The following ZSCAN18 variants were observed in gnomAD, a reference collection of about 807,000 sequenced individuals.
The protein encoded by ZSCAN18 is zinc finger and SCAN domain containing 18.
A neutral mutation model predicts 31.1 loss-of-function variants in ZSCAN18; 16 were observed. The observed-to-expected ratio is 0.51, with a 90% CI of 0.35 to 0.78. The LOEUF is 0.78. ZSCAN18 is among the 30% of genes least tolerant of loss of function. The probability of loss-of-function intolerance (pLI) is 0.01; values close to 1 mark genes in which losing one functional copy is unlikely to be tolerated. For missense variants in ZSCAN18, 731 were observed against 697.4 expected (o/e 1.05, Z -0.54); for synonymous variants, 375 against 320.7 (o/e 1.17, Z -1.81).
chr19:58,096,151 G>A lies in ZSCAN18; in HGVS notation c.-120+2023C>T, dbSNP rs139017264. Reference sequence around the variant, plus strand: ...GGAGTCTTAAGCAGGAGGACTGCTTGAGCCCAGGAGTTGGAGGCTGTGATT... The same window carrying A: ...GGAGTCTTAAGCAGGAGGACTGCTTAAGCCCAGGAGTTGGAGGCTGTGATT... On this transcript the variant is annotated intron_variant, in intron 1 of 6. Transcript: ENST00000601144. Among the ~76,000 whole-genome samples the A allele has an allele frequency of 9.5e-4, 145 of 152,282 alleles. 1 individual carries two copies. Among genetic ancestry groups the A allele is most frequent in the Middle Eastern group, 3.4e-3 (1 of 294 alleles).
At chr19:58,108,658 C>T (rs962257868) in intron 1 of ZSCAN18, 7 of 985,468 alleles carry the variant, frequency 7.1e-6, no homozygotes, top group Non-Finnish European at 8.4e-6. Context: ...AACGGACAGT[C>T]CACATTCACT....
chr19:58,086,007 T>A, intron 6 of ZSCAN18, 167 bp downstream of exon 6: 2 of 627,534 alleles, frequency 3.2e-6, no homozygotes, highest in South Asian at 3.9e-5. Context: ...CAAGAGACCA[T>A]GGACGTAACT....
At chr19:58,093,590 G>A (rs2145995589) in intron 1 of ZSCAN18, among the ~76,000 whole-genome samples, 1 of 152,220 alleles carries the variant, frequency 6.6e-6, no homozygotes, top group South Asian at 2.1e-4. Context: ...TAATCTCTGA[G>A]GGCGGGTAAA....
In ZSCAN18 at chr19:58,085,374, C is replaced by G; in HGVS notation, c.844G>C (p.Gly282Arg). 1 of 1,588,100 alleles carries G rather than the reference C, an allele frequency of 6.3e-7. No individual in the cohort carries two copies. The highest frequency in any genetic ancestry group is 8.5e-7 in the Non-Finnish European group (1 of 1,176,026). ...CACCCAGCGCTCTCCTGCCGCCTCC[C>G]GCCTTCTGGAACAAGGTCAGAGCCC... is the stretch of plus-strand genomic sequence containing the variant. ...DPQGSSLPEG[G>R]RRQESAGCAC... The change falls in exon 7 of 7, where the codon GGG (glycine) becomes CGG (arginine). Residue 282 changes from glycine (G) to arginine (R), a missense_variant. Around this residue, in one of 4 missense-constraint regions of ZSCAN18, gnomAD observed 597 missense variants for 499.5 expected, o/e 1.20. Coordinates refer to ENST00000601144, the MANE Select transcript of ZSCAN18 (RefSeq NM_001145543.2).
At chr19:58,099,839 C>A (rs1355543642), upstream of ZSCAN18, among the ~76,000 whole-genome samples, 7 of 152,102 alleles carry the variant, frequency 4.6e-5, no homozygotes, top group African/African-American at 1.7e-4. Flanking sequence ...CCCTTAATTG[C>A]TAACAAGTTT....
intron 1 of ZSCAN18, chr19:58,108,567 G>A (rs1178470216): frequency 1.0e-6 from 1 of 985,674 alleles, no homozygotes; most frequent in Non-Finnish European, 1.2e-6. Context: ...TCTTAGAGAG[G>A]GATTTTCCAC....
At chr19:58,091,085 C>T (rs973093320) in intron 1 of ZSCAN18, among the ~76,000 whole-genome samples, 1 of 151,272 alleles carries the variant, frequency 6.6e-6, no homozygotes, top group African/African-American at 2.4e-5. Context: ...GCCTGACCAA[C>T]CTGGTGAAAC....
chr19:58,111,990 C>T (rs1043189509), intron 1 of ZSCAN18, among the ~76,000 whole-genome samples: 1 of 152,116 alleles, frequency 6.6e-6, no homozygotes, highest in African/African-American at 2.4e-5. Flanking sequence ...AAGCATTGGA[C>T]AAAATTCCAA....
chr19:58,089,307 A>ACC (rs2074358185), intron 2 of ZSCAN18, among the ~76,000 whole-genome samples: 3 of 11,950 alleles, frequency 2.5e-4, no homozygotes, highest in African/African-American at 7.0e-4. Context: ...CGTCTCAAAA[A>ACC]AAAAAAAAAA....
At chr19:58,100,517 G>C (rs1037612185), upstream of ZSCAN18, among the ~76,000 whole-genome samples, 1 of 152,084 alleles carries the variant, frequency 6.6e-6, no homozygotes, top group Non-Finnish European at 1.5e-5. Flanking sequence ...CATAAACTCA[G>C]GTGTGGTCGA....
intron 1 of ZSCAN18, among the ~76,000 whole-genome samples, chr19:58,116,281 T>A (rs1414745626): frequency 6.7e-6 from 1 of 148,854 alleles, no homozygotes; most frequent in Non-Finnish European, 1.5e-5. Flanking sequence ...TGATCTTAAG[T>A]CTGTGGGAAA....
exon 1 of ZSCAN18, chr19:58,118,350 C>G: frequency 3.3e-6 from 5 of 1,533,584 alleles, no homozygotes; most frequent in Non-Finnish European, 4.4e-6. Context: ...GAACTCACTT[C>G]CCGCCGCCGT....
At chr19:58,103,553 A>G (rs868448956) in intron 1 of ZSCAN18, among the ~76,000 whole-genome samples, 12 of 152,332 alleles carry the variant, frequency 7.9e-5, no homozygotes, top group Middle Eastern at 3.4e-3. Flanking sequence ...ACGCCTATAT[A>G]AGACAATGAA....
Position 58,086,832 on chromosome 19 carries a change from TCA to T in ZSCAN18, c.745+72_745+73del, listed in dbSNP as rs1388149253. On this transcript the variant is annotated intron_variant, in intron 5 of 6. Transcript: ENST00000601144. ...AGTGTCCCAGCCAAAGTCCCTGGGG[TCA>T]CAGTCTCCTGCACCAACCCCTGCGG... The T allele has an allele frequency of 3.5e-5, 41 of 1,158,420 alleles. No individual in the cohort carries two copies. In the South Asian group the frequency reaches 4.9e-4, roughly 14 times the overall value. The allele number at this position is 1,158,420 out of a possible 1,614,324, so 71.8% of individuals were successfully genotyped here.
chr19:58,101,084 C>T (rs1159665182), upstream of ZSCAN18, among the ~76,000 whole-genome samples: 3 of 151,670 alleles, frequency 2.0e-5, no homozygotes, highest in Non-Finnish European at 4.4e-5. Flanking sequence ...TGGGTTACCA[C>T]GGCTACAGAG....
chr19:58,098,378 G>T (rs942732704), upstream of ZSCAN18: 1 of 985,404 alleles, frequency 1.0e-6, no homozygotes, highest in Non-Finnish European at 1.2e-6. Context: ...GTGGCCTCCC[G>T]GCGTCCCGCC....
At chr19:58,116,857 G>A (rs1034526402) in intron 1 of ZSCAN18, among the ~76,000 whole-genome samples, 2 of 152,124 alleles carry the variant, frequency 1.3e-5, no homozygotes, top group Non-Finnish European at 2.9e-5. Flanking sequence ...GAGAGTAGAG[G>A]TGTGGTGATG....
At chr19:58,085,494 G>T in intron 6 of ZSCAN18, 115 bp from the exon 7 acceptor site, 1 of 948,920 alleles carries the variant, frequency 1.1e-6, no homozygotes, top group Non-Finnish European at 1.5e-6. Context: ...CTGGATCCCC[G>T]CGGGGCTCAC....
chr19:58,101,458 CTT>C (rs1164616546), upstream of ZSCAN18, among the ~76,000 whole-genome samples: 11 of 148,656 alleles, frequency 7.4e-5, no homozygotes, highest in Non-Finnish European at 1.6e-4. Context: ...CACTTTTTTT[CTT>C]TTTCAAAGTT....
Sources: allele counts gnomAD v4.1 joint callset (sites outside exome capture counted in the v4.1 genomes callset), GRCh38; gene constraint gnomAD v4.1.1; regional missense constraint gnomAD v4.1.1; transcripts MANE v1.5; gene names NCBI Gene and HGNC (gene_info 2026-07-23, HGNC 2026-07-21).